The following EML6 variants were observed in gnomAD, a reference collection of about 807,000 sequenced individuals.
The protein encoded by EML6 is echinoderm microtubule-associated protein-like 6.
In EML6, 154 loss-of-function variants were observed where a neutral mutation model predicts 240.1. The ratio of observed to expected loss-of-function variants is 0.64; its 90% CI spans 0.56 to 0.73. The LOEUF is 0.73. Ranked by LOEUF, EML6 falls within the 30% of genes least tolerant of loss-of-function variation. EML6 has a pLI of 0.00. For synonymous variants in EML6, 1,148 were observed against 899.0 expected (o/e 1.28, Z -4.95); for missense variants, 2,964 against 2,474.6 (o/e 1.20, Z -4.20).
intron 2 of EML6, among the ~76,000 whole-genome samples, chr2:54,772,829 C>G (rs1304621602): frequency 1.3e-5 from 2 of 152,248 alleles, no homozygotes; most frequent in Non-Finnish European, 1.5e-5. Context: ...ACAGCTGTGA[C>G]TGCTGGTCGA....
chr2:54,900,923 G>A (rs1417562778), intron 22 of EML6, among the ~76,000 whole-genome samples: 1 of 152,186 alleles, frequency 6.6e-6, no homozygotes, highest in Non-Finnish European at 1.5e-5. Context: ...TGAAGGATCT[G>A]TAAAAGTTCT....
At chr2:54,866,058 C>G (rs920272457) in intron 13 of EML6, among the ~76,000 whole-genome samples, 6 of 152,204 alleles carry the variant, frequency 3.9e-5, no homozygotes, top group Admixed American at 2.6e-4. Flanking sequence ...TTCTTCTGAC[C>G]TTTTACAAAT....
chr2:54,829,626 G>C, intron 7 of EML6, 149 bp downstream of exon 7: 1 of 605,824 alleles, frequency 1.7e-6, no homozygotes, highest in Non-Finnish European at 2.7e-6. Flanking sequence ...AAAGTAAATG[G>C]ATGTCCTTTT....
chr2:54,841,126 G>T (rs1669426697), intron 7 of EML6, among the ~76,000 whole-genome samples: 1 of 152,384 alleles, frequency 6.6e-6, no homozygotes, highest in Middle Eastern at 3.4e-3. Context: ...CAGGATCATG[G>T]GCGCAAGGCC....
chr2:54,757,939 C>G (rs1423419764), intron 2 of EML6, among the ~76,000 whole-genome samples: 1 of 133,336 alleles, frequency 7.5e-6, no homozygotes, highest in Admixed American at 7.5e-5. Flanking sequence ...TCTTCTTGTT[C>G]TCTTTGTCTT....
chr2:54,843,395 C>T (rs1669565873), intron 7 of EML6, among the ~76,000 whole-genome samples: 1 of 152,068 alleles, frequency 6.6e-6, no homozygotes, highest in Non-Finnish European at 1.5e-5. Context: ...TACCACACTC[C>T]AGCCTGGGCA....
At chr2:54,904,754 C>G (rs1673229626) in intron 24 of EML6, among the ~76,000 whole-genome samples, 2 of 152,114 alleles carry the variant, frequency 1.3e-5, no homozygotes, top group Non-Finnish European at 2.9e-5. Flanking sequence ...GTGGGGCATT[C>G]CCTCCCATCT....
chr2:54,838,669 A>C (rs566605599), intron 7 of EML6, among the ~76,000 whole-genome samples: 1 of 152,254 alleles, frequency 6.6e-6, no homozygotes, highest in African/African-American at 2.4e-5. Flanking sequence ...AGGGCCACGG[A>C]CTGGTGAGGA....
At chr2:54,913,175 A>G (rs1317740699) in intron 25 of EML6, among the ~76,000 whole-genome samples, 2 of 148,078 alleles carry the variant, frequency 1.4e-5, no homozygotes, top group Non-Finnish European at 3.0e-5. Context: ...GGTGATAAAC[A>G]TTTTTTCATA....
intron 2 of EML6, among the ~76,000 whole-genome samples, chr2:54,778,684 C>T (rs574098189): frequency 6.6e-6 from 1 of 151,820 alleles, no homozygotes; most frequent in South Asian, 2.1e-4. Flanking sequence ...GTCAGGAGAT[C>T]GAGACCATCC....
chr2:54,965,383 A>T (rs1284492667), intron 38 of EML6, among the ~76,000 whole-genome samples: 1 of 152,220 alleles, frequency 6.6e-6, no homozygotes, highest in Non-Finnish European at 1.5e-5. Flanking sequence ...AGATGGACAA[A>T]ATGAGACTGG....
chr2:54,902,239 C>T (rs1202106625), intron 22 of EML6, among the ~76,000 whole-genome samples: 1 of 152,198 alleles, frequency 6.6e-6, no homozygotes, highest in Non-Finnish European at 1.5e-5. Flanking sequence ...AGCAAAGATA[C>T]TGGTCCTATT....
chr2:54,867,967 A>C (rs186937469), intron 14 of EML6: 1 of 152,264 alleles, frequency 6.6e-6, no homozygotes, highest in African/African-American at 2.4e-5. Context: ...AGCCCAATAC[A>C]ATATCCACTA....
At chr2:54,941,339 C>G (rs779433115) in intron 28 of EML6, among the ~76,000 whole-genome samples, 1 of 152,072 alleles carries the variant, frequency 6.6e-6, no homozygotes, top group Admixed American at 6.6e-5. Context: ...CTTATTTAAT[C>G]AGGAGATCTG....
chr2:54,946,587 G>A (rs989754109), intron 28 of EML6, among the ~76,000 whole-genome samples: 1 of 152,192 alleles, frequency 6.6e-6, no homozygotes, highest in Non-Finnish European at 1.5e-5. Flanking sequence ...CTGATGTTAT[G>A]AACACTGTTT....
rs1669966124 is a variant in EML6 at position 54,849,701 on chromosome 2, G to T, written c.1188-261G>T. The stretch of plus-strand genomic sequence containing the variant: ...GATAGGGTTTCACCTTGTTATCCAG[G>T]ATGGTCTCAATCTCCTGACCTCGTG... On this transcript the variant is annotated intron_variant, in intron 9 of 41. Coordinates refer to ENST00000356458, the MANE Select transcript of EML6 (RefSeq NM_001039753.4). 2.6e-5 allele frequency among the ~76,000 whole-genome samples: 4 copies of T among 152,294 alleles called. No individual in the cohort carries two copies. The South Asian group carries it at 8.3e-4, about 32-fold the overall frequency.
intron 28 of EML6, among the ~76,000 whole-genome samples, chr2:54,934,820 G>A (rs1287655653): frequency 6.6e-6 from 1 of 152,106 alleles, no homozygotes; most frequent in Non-Finnish European, 1.5e-5. Context: ...CCAAGTGCTA[G>A]GATTCCAGGT....
At position 54,967,075 on chromosome 2, in the gene EML6, GAGA is replaced by G. The variant is rs1295840165; in HGVS notation, c.5573_5575del (p.Lys1858del). ...GCAGGTAACTGAAGCCGTGGTCATT[GAGA>G]AGATCACCTGGGCCTCCTGGACAAG... is the stretch of plus-strand genomic sequence containing the variant. On this transcript the variant is annotated inframe_deletion, in exon 39 of 42. Transcript: ENST00000356458. 2 of 1,551,338 alleles carry G rather than the reference GAGA, an allele frequency of 1.3e-6. No homozygotes were observed. Among genetic ancestry groups the G allele is most frequent in the African/African-American group, 1.4e-5 (1 of 73,046 alleles).
intron 6 of EML6, 37 bp downstream of exon 6, chr2:54,827,788 C>G (rs753810346): frequency 2.0e-5 from 30 of 1,463,786 alleles, no homozygotes; most frequent in Non-Finnish European, 2.8e-5. Flanking sequence ...GGGTGACCTA[C>G]CAAATAAGGT....
Sources: gnomAD v4.1 joint callset for allele counts (sites outside exome capture counted in the v4.1 genomes callset) on GRCh38, gnomAD v4.1.1 for gene constraint, MANE v1.5 for transcripts, NCBI Gene and HGNC (gene_info 2026-07-23, HGNC 2026-07-21) for gene names.